The following DYRK1A variants were observed in gnomAD, a reference collection of about 807,000 sequenced individuals.
DYRK1A encodes dual specificity tyrosine phosphorylation regulated kinase 1A.
DYRK1A carries 9 observed loss-of-function variants against 79.7 expected under a neutral mutation model. That is an observed-to-expected ratio of 0.11 (90% CI 0.07 to 0.20). The LOEUF is 0.20. Ranked by LOEUF, DYRK1A falls within the 10% of genes least tolerant of loss-of-function variation. The probability of loss-of-function intolerance (pLI) is 1.00; values close to 1 mark genes in which losing one functional copy is unlikely to be tolerated. For missense variants in DYRK1A, 622 were observed against 956.0 expected, an observed-to-expected ratio of 0.65 and a Z score of 4.61; for synonymous variants, 349 against 329.7, an observed-to-expected ratio of 1.06 and a Z score of -0.63.
At chr21:37,405,510 C>T (rs1017866322) in intron 1 of DYRK1A, among the ~76,000 whole-genome samples, 2 of 152,088 alleles carry the variant, frequency 1.3e-5, no homozygotes, top group African/African-American at 4.8e-5. Context: ...CTCCAGATCC[C>T]CACCCACCTA....
rs201421931 is a variant in DYRK1A at position 37,512,181 on chromosome 21, G to A, written c.1915G>A (p.Val639Ile). Residue 639 changes from valine to isoleucine, a missense_variant, in exon 12 of 12, where the codon GTT (valine) becomes ATT (isoleucine). Around this residue, in one of 5 missense-constraint regions of DYRK1A, gnomAD observed 292 missense variants for 316.7 expected, o/e 0.92. Transcript: ENST00000647188. Reference protein sequence around the residue: ...NSSSTQDSMEVGHSHHSMTSL... With the variant: ...NSSSTQDSMEIGHSHHSMTSL... ...CTCCTCTACCCAAGATTCTATGGAG[G>A]TTGGCCACAGTCACCACTCCATGAC... 1.1e-5 allele frequency: 17 copies of A among 1,614,176 alleles called. No individual in the cohort carries two copies. Among genetic ancestry groups the A allele is most frequent in the South Asian group, 8.8e-5 (8 of 91,082 alleles).
intron 1 of DYRK1A, among the ~76,000 whole-genome samples, chr21:37,407,085 C>G (rs1158998319): frequency 1.3e-5 from 2 of 151,864 alleles, no homozygotes; most frequent in Non-Finnish European, 1.5e-5. Flanking sequence ...TATAAGTGCT[C>G]ATATTCTTGT....
chr21:37,385,239 A>G (rs572020465), intron 1 of DYRK1A, among the ~76,000 whole-genome samples: 1 of 152,232 alleles, frequency 6.6e-6, no homozygotes, highest in East Asian at 1.9e-4. Flanking sequence ...ACTTCCATTT[A>G]TTATCTCAGT....
intron 2 of DYRK1A, among the ~76,000 whole-genome samples, chr21:37,457,037 C>CTTACTTACTTATTTATTTATTTATTTAT (rs1035437095): frequency 1.7e-5 from 1 of 59,228 alleles, no homozygotes; most frequent in Non-Finnish European, 3.5e-5. Flanking sequence ...TACTTACTTA[C>CTTACTTACTTATTTATTTATTTATTTAT]TTATTTATTT....
chr21:37,510,130 A>G (rs1014907436), intron 11 of DYRK1A, among the ~76,000 whole-genome samples: 1 of 152,224 alleles, frequency 6.6e-6, no homozygotes, highest in Non-Finnish European at 1.5e-5. Context: ...ACCACTGTAC[A>G]TGTCTCATTC....
intron 2 of DYRK1A, among the ~76,000 whole-genome samples, chr21:37,439,554 G>A (rs1057452806): frequency 1.3e-5 from 2 of 152,180 alleles, no homozygotes; most frequent in African/African-American, 2.4e-5. Flanking sequence ...CTCTTTTCAC[G>A]TCACCTGAAG....
intron 7 of DYRK1A, among the ~76,000 whole-genome samples, 195 bp downstream of exon 7, chr21:37,490,656 T>A (rs1296067742): frequency 6.6e-6 from 1 of 151,250 alleles, no homozygotes; most frequent in African/African-American, 2.4e-5. Context: ...GTATACCATT[T>A]AGAGGCAATT....
chr21:37,506,354 T>TTC, intron 11 of DYRK1A, 131 bp downstream of exon 11: 1 of 1,566,910 alleles, frequency 6.4e-7, no homozygotes, highest in South Asian at 1.2e-5. Context: ...TCTAAGGAAA[T>TTC]GTAAGTATTT....
At chr21:37,414,631 A>T (rs538217292) in intron 1 of DYRK1A, among the ~76,000 whole-genome samples, 5 of 152,264 alleles carry the variant, frequency 3.3e-5, no homozygotes, top group African/African-American at 1.2e-4. Context: ...TTCTTAATGT[A>T]GACTTTTAAC....
rs559187654 is a variant in DYRK1A at position 37,463,275 on chromosome 21, A to T, written c.11-9409A>T. 4.6e-5 allele frequency among the ~76,000 whole-genome samples: 7 copies of T among 151,302 alleles called. No homozygotes were observed. In the East Asian group the frequency reaches 1.2e-3, roughly 26 times the overall value. On this transcript the variant is annotated intron_variant, in intron 2 of 11. Transcript: ENST00000647188. The stretch of plus-strand genomic sequence containing the variant: ...TATTGGCCACTAGAGGGTAATAAGA[A>T]AGCAGTTCATTTGTTCTTATTGGCT...
At chr21:37,389,529 G>A (rs1313788836) in intron 1 of DYRK1A, among the ~76,000 whole-genome samples, 1 of 151,978 alleles carries the variant, frequency 6.6e-6, no homozygotes, top group Non-Finnish European at 1.5e-5. Flanking sequence ...GGTTTTTTTT[G>A]TTTGTTTTTT....
In DYRK1A at chr21:37,479,599, TGTTTTTG is replaced by T. The variant is rs1569362036; in HGVS notation, c.301-1038_301-1032del. On this transcript the variant is annotated intron_variant, in intron 4 of 11. Transcript: ENST00000647188. ...AGAAACAGTGTTGGTGTTTTGTTTT[TGTTTTTG>T]TTTTTGTTTTTTGTTTTTTTTTTTT... 1.2e-3 allele frequency among the ~76,000 whole-genome samples: 89 copies of T among 77,164 alleles called. 4 individuals are homozygous for T. The highest frequency in any genetic ancestry group is 5.3e-3 in the Middle Eastern group (1 of 190). The allele number at this position is 77,164 out of a possible 152,430, so 50.6% of individuals were successfully genotyped here. A position where few individuals can be genotyped will look rare whatever the true frequency, so the allele number is the denominator to read the frequency against.
chr21:37,409,169 C>CT (rs2050199808), intron 1 of DYRK1A, among the ~76,000 whole-genome samples: 4 of 151,634 alleles, frequency 2.6e-5, no homozygotes, highest in African/African-American at 9.7e-5. Flanking sequence ...TAGATGTGTA[C>CT]TAGGAGATAG....
At chr21:37,447,105 C>T (rs887782803) in intron 2 of DYRK1A, among the ~76,000 whole-genome samples, 4 of 152,160 alleles carry the variant, frequency 2.6e-5, no homozygotes, top group Non-Finnish European at 4.4e-5. Flanking sequence ...AACAGGAGAA[C>T]TTGCTTCTTT....
intron 9 of DYRK1A, among the ~76,000 whole-genome samples, chr21:37,500,586 T>A (rs1391661712): frequency 6.6e-6 from 1 of 152,182 alleles, no homozygotes; most frequent in African/African-American, 2.4e-5. Context: ...TGATGAAACC[T>A]TCAGAACCTG....
At chr21:37,392,133 T>C (rs1161120661) in intron 1 of DYRK1A, among the ~76,000 whole-genome samples, 6 of 152,256 alleles carry the variant, frequency 3.9e-5, no homozygotes, top group Non-Finnish European at 8.8e-5. Context: ...ACAGGCTCTT[T>C]GAGGTTGTAG....
intron 1 of DYRK1A, among the ~76,000 whole-genome samples, chr21:37,385,533 G>A (rs2049743168): frequency 1.3e-5 from 2 of 152,162 alleles, no homozygotes; most frequent in Admixed American, 1.3e-4. Flanking sequence ...ATCTTAACGT[G>A]TCATAACCAT....
chr21:37,506,605 A>G (rs1464261558), intron 11 of DYRK1A, among the ~76,000 whole-genome samples: 2 of 152,238 alleles, frequency 1.3e-5, no homozygotes, highest in Admixed American at 6.5e-5. Context: ...GCTTCCTCCC[A>G]TGATTTTTTA....
intron 5 of DYRK1A, among the ~76,000 whole-genome samples, chr21:37,485,405 G>T (rs1255252197): frequency 6.6e-6 from 1 of 152,166 alleles, no homozygotes; most frequent in Non-Finnish European, 1.5e-5. Flanking sequence ...TGAAACCAGA[G>T]ATTAGTGCAT....
Sources: allele counts gnomAD v4.1 joint callset (sites outside exome capture counted in the v4.1 genomes callset), GRCh38; gene constraint gnomAD v4.1.1; regional missense constraint gnomAD v4.1.1; transcripts MANE v1.5; gene names NCBI Gene and HGNC (gene_info 2026-07-23, HGNC 2026-07-21).